CTXN2: variants seen among roughly 807,000 people sequenced by gnomAD.
CTXN2 encodes cortexin-2.
A neutral mutation model predicts 5.7 loss-of-function variants in CTXN2; 3 were observed. The ratio of observed to expected loss-of-function variants is 0.53; its 90% confidence interval spans 0.24 to 1.36. The LOEUF (loss-of-function observed/expected upper bound fraction) is 1.36. Ranked by LOEUF, CTXN2 falls within the 40% of genes most tolerant of loss-of-function variation. The pLI is 0.17. For synonymous variants in CTXN2, 38 were observed against 36.4 expected (o/e 1.04, Z -0.16); for missense variants, 87 against 93.0 (o/e 0.94, Z 0.26).
chr15:48,186,277 T>C (rs1440140964), intron 1 of CTXN2, among the ~76,000 whole-genome samples: 3 of 152,204 alleles, frequency 2.0e-5, no homozygotes, highest in African/African-American at 4.8e-5. Flanking sequence ...ATTTAGTACA[T>C]TTTTCTTTGC....
At chr15:48,181,886 T>A (rs2040704102) in intron 1 of CTXN2, among the ~76,000 whole-genome samples, 1 of 152,212 alleles carries the variant, frequency 6.6e-6, no homozygotes, top group African/African-American at 2.4e-5. Context: ...TTTCTAAACC[T>A]TACAAAGTAA....
intron 1 of CTXN2, among the ~76,000 whole-genome samples, chr15:48,193,986 TG>T (rs2040852468): frequency 6.6e-6 from 1 of 152,184 alleles, no homozygotes; most frequent in Non-Finnish European, 1.5e-5. Flanking sequence ...ATCTATTTGC[TG>T]AACACATTGT....
intron 1 of CTXN2, among the ~76,000 whole-genome samples, chr15:48,184,811 T>C (rs993139560): frequency 6.6e-6 from 1 of 152,102 alleles, no homozygotes; most frequent in Non-Finnish European, 1.5e-5. Flanking sequence ...CTGAAACAAA[T>C]TGAAAACTTA....
intron 1 of CTXN2, among the ~76,000 whole-genome samples, chr15:48,183,797 C>T (rs753448740): frequency 1.5e-4 from 23 of 152,220 alleles, no homozygotes; most frequent in African/African-American, 4.3e-4. Context: ...CATGGTAGTA[C>T]GGTCAGTCTA....
intron 1 of CTXN2, among the ~76,000 whole-genome samples, chr15:48,193,324 C>T (rs1262851995): frequency 6.6e-6 from 1 of 152,108 alleles, no homozygotes; most frequent in Non-Finnish European, 1.5e-5. Flanking sequence ...TTAAAAGACA[C>T]TTAAATATTT....
intron 1 of CTXN2, among the ~76,000 whole-genome samples, chr15:48,186,457 A>G (rs2040756772): frequency 6.6e-6 from 1 of 152,160 alleles, no homozygotes; most frequent in South Asian, 2.1e-4. Flanking sequence ...TCATTTTCTA[A>G]TCAAATCTAA....
upstream of CTXN2, among the ~76,000 whole-genome samples, chr15:48,186,792 C>G (rs1320317512): frequency 1.3e-5 from 2 of 151,530 alleles, no homozygotes; most frequent in African/African-American, 4.9e-5. Context: ...TGCTTGTAAT[C>G]CCAGTTACTC....
rs1205043471 is a variant in CTXN2, at chr15:48,201,385, A to C, written c.85A>C (p.Thr29Pro). The C allele has an allele frequency of 2.0e-5, 31 of 1,551,288 alleles. No individual in the cohort carries two copies. The highest frequency in any genetic ancestry group is 2.6e-5 in the Non-Finnish European group (30 of 1,146,762). Reference protein sequence around the residue: ...SAFSLTLEQKTGFAFVGILCI... With the variant: ...SAFSLTLEQKPGFAFVGILCI... ...TTTCTCATTGACTCTGGAGCAAAAAACTGGCTTTGCTTTTGTTGGGATTTT... is the reference window on the plus strand; with the variant it reads ...TTTCTCATTGACTCTGGAGCAAAAACCTGGCTTTGCTTTTGTTGGGATTTT... The change falls in exon 2 of 2, where the codon ACT (threonine) becomes CCT (proline). Residue 29 changes from threonine to proline, a missense_variant. Coordinates refer to ENST00000417307, the MANE Select transcript of CTXN2 (RefSeq NM_001145668.2).
At chr15:48,181,395 G>T (rs2040700851) in intron 1 of CTXN2, among the ~76,000 whole-genome samples, 1 of 152,096 alleles carries the variant, frequency 6.6e-6, no homozygotes, top group Non-Finnish European at 1.5e-5. Flanking sequence ...AGAAAAAAAG[G>T]GACCTATCCA....
intron 1 of CTXN2, among the ~76,000 whole-genome samples, chr15:48,185,337 C>T (rs1344218759): frequency 1.3e-5 from 2 of 152,018 alleles, no homozygotes; most frequent in African/African-American, 2.4e-5. Context: ...AACAAATGTA[C>T]CACACTAATG....
intron 1 of CTXN2, among the ~76,000 whole-genome samples, chr15:48,199,559 T>G (rs1218800846): frequency 2.6e-5 from 4 of 152,202 alleles, no homozygotes; most frequent in African/African-American, 4.8e-5. Context: ...TCTCCTTCCA[T>G]TAAATAAATG....
chr15:48,181,357 T>C (rs1329034373), intron 1 of CTXN2, among the ~76,000 whole-genome samples: 1 of 152,144 alleles, frequency 6.6e-6, no homozygotes, highest in Non-Finnish European at 1.5e-5. Flanking sequence ...CGAGGCACCT[T>C]GTCGGCATTG....
chr15:48,183,470 C>T (rs1246130308), intron 1 of CTXN2, among the ~76,000 whole-genome samples: 1 of 152,146 alleles, frequency 6.6e-6, no homozygotes, highest in Non-Finnish European at 1.5e-5. Context: ...GTTTAAAATT[C>T]ATCATCTTAT....
At chr15:48,196,701 T>C (rs1264243088) in intron 1 of CTXN2, among the ~76,000 whole-genome samples, 1 of 152,144 alleles carries the variant, frequency 6.6e-6, no homozygotes, top group East Asian at 1.9e-4. Context: ...TGGCATTACC[T>C]ATTAAACTCA....
intron 1 of CTXN2, chr15:48,178,650 G>T (rs910245843): frequency 1.2e-5 from 2 of 172,522 alleles, no homozygotes; most frequent in African/African-American, 2.4e-5. Context: ...ATTCCAGGTA[G>T]GGGCAGTTAA....
At chr15:48,185,976 T>A (rs1373157239) in intron 1 of CTXN2, among the ~76,000 whole-genome samples, 2 of 152,216 alleles carry the variant, frequency 1.3e-5, no homozygotes, top group Non-Finnish European at 2.9e-5. Context: ...AATTATTTTT[T>A]AACTGAGTCC....
At chr15:48,182,250 A>G (rs1366575627) in intron 1 of CTXN2, among the ~76,000 whole-genome samples, 4 of 152,154 alleles carry the variant, frequency 2.6e-5, no homozygotes, top group African/African-American at 9.7e-5. Flanking sequence ...TCTACCAGCT[A>G]GCTAAGTGAA....
intron 1 of CTXN2, among the ~76,000 whole-genome samples, chr15:48,194,783 C>T (rs7170537): frequency 0.81 from 123,771 of 152,066 alleles, 55,269 homozygotes; most frequent in Non-Finnish European, 1. Flanking sequence ...CTGGATCAAT[C>T]TAGAACAAGT....
At position 48,191,671 on chromosome 15, in the gene CTXN2, C is replaced by A. The variant is rs768377938; in HGVS notation, c.-240C>A. ...GCGGGCGCCCACGTCCTCTGTCTCA[C>A]CAACAGACACAGACATTTACACTTC... On this transcript the variant is annotated 5_prime_UTR_variant, in exon 1 of 2. Coordinates refer to ENST00000417307, the MANE Select transcript of CTXN2 (RefSeq NM_001145668.2). 1 of 455,100 alleles carries A rather than the reference C, an allele frequency of 2.2e-6. No individual in the cohort carries two copies. The allele number at this position is 455,100 out of a possible 1,614,324, so 28.2% of individuals were successfully genotyped here.
Sources: allele counts gnomAD v4.1 joint callset (sites outside exome capture counted in the v4.1 genomes callset), GRCh38; gene constraint gnomAD v4.1.1; transcripts MANE v1.5; gene names NCBI Gene and HGNC (gene_info 2026-07-23, HGNC 2026-07-21).